The following SGCD variants were observed in gnomAD, a reference collection of about 807,000 sequenced individuals.
SGCD encodes the protein delta-sarcoglycan.
A neutral mutation model predicts 36.6 loss-of-function variants in SGCD; 18 were observed. That is an observed-to-expected ratio of 0.49 (90% CI 0.34 to 0.73). The LOEUF (loss-of-function observed/expected upper bound fraction) is 0.73, where lower values mean the gene tolerates loss of function less well. SGCD is among the 30% of genes least tolerant of loss of function. SGCD has a pLI of 0.01. For synonymous variants in SGCD, 133 were observed against 130.6 expected (o/e 1.02, Z -0.12); for missense variants, 387 against 346.7 (o/e 1.12, Z -0.92).
intron 4 of SGCD, among the ~76,000 whole-genome samples, chr5:156,562,542 G>A (rs907231875): frequency 4.6e-5 from 7 of 152,064 alleles, no homozygotes; most frequent in Non-Finnish European, 8.8e-5. Flanking sequence ...GGTCTCAAAC[G>A]CAATTGTGAA....
intron 3 of SGCD, among the ~76,000 whole-genome samples, chr5:156,181,667 A>G (rs1763610311): frequency 6.6e-6 from 1 of 152,178 alleles, no homozygotes. Flanking sequence ...TGATTAGATA[A>G]TTGTTCAGGA....
At chr5:156,367,508 A>AT (rs1770165790) in intron 3 of SGCD, among the ~76,000 whole-genome samples, 2 of 152,202 alleles carry the variant, frequency 1.3e-5, no homozygotes, top group Admixed American at 6.5e-5. Context: ...ATTCAGATTC[A>AT]TTTTTTTAAA....
chr5:156,283,232 G>C (rs1766502154), intron 3 of SGCD, among the ~76,000 whole-genome samples: 1 of 152,074 alleles, frequency 6.6e-6, no homozygotes, highest in African/African-American at 2.4e-5. Flanking sequence ...ATTGGTATTG[G>C]TCCATAGAAA....
chr5:155,883,729 T>G (rs1209206225), intron 1 of SGCD, among the ~76,000 whole-genome samples: 2 of 137,562 alleles, frequency 1.5e-5, no homozygotes, highest in Non-Finnish European at 1.5e-5. Flanking sequence ...AGTGTGTACA[T>G]ACTATTGGAA....
intron 1 of SGCD, among the ~76,000 whole-genome samples, chr5:156,111,475 A>G (rs1761784241): frequency 6.6e-6 from 1 of 152,210 alleles, no homozygotes. Flanking sequence ...TTCATCTATA[A>G]GGTAGACAAT....
intron 3 of SGCD, among the ~76,000 whole-genome samples, chr5:156,307,560 T>G (rs1039423578): frequency 5.2e-4 from 75 of 145,122 alleles, no homozygotes; most frequent in African/African-American, 1.8e-3. Flanking sequence ...CTGTTGTTTT[T>G]TTTTTTTTTT....
At chr5:155,731,663 T>G in the SGCD span, among the ~76,000 whole-genome samples, 1 of 152,240 alleles carries the variant, frequency 6.6e-6, no homozygotes, top group Admixed American at 6.5e-5. Flanking sequence ...GGTAAATACA[T>G]GTTGGAGAAT....
At chr5:156,295,248 A>G (rs892029246) in intron 3 of SGCD, among the ~76,000 whole-genome samples, 1 of 152,058 alleles carries the variant, frequency 6.6e-6, no homozygotes, top group Non-Finnish European at 1.5e-5. Flanking sequence ...TAGGTCATCT[A>G]ATTTGTTGGT....
chr5:156,460,666 T>C (rs748096076), intron 3 of SGCD, among the ~76,000 whole-genome samples: 5 of 152,152 alleles, frequency 3.3e-5, no homozygotes, highest in Non-Finnish European at 1.5e-5. Context: ...CCTCAGCTCA[T>C]TTATTTCATA....
At chr5:156,311,564 T>C (rs943201006) in intron 3 of SGCD, among the ~76,000 whole-genome samples, 16 of 152,112 alleles carry the variant, frequency 1.1e-4, no homozygotes, top group African/African-American at 3.6e-4. Context: ...CCTTAAGATA[T>C]GACCTACTTG....
chr5:155,944,181 T>TAACAA (rs1757392971), intron 1 of SGCD, among the ~76,000 whole-genome samples: 2 of 152,328 alleles, frequency 1.3e-5, no homozygotes, highest in East Asian at 3.9e-4. Flanking sequence ...GTGCACTAGC[T>TAACAA]CTGTGAGTTG....
chr5:155,894,449 C>T (rs1370449067), intron 1 of SGCD, among the ~76,000 whole-genome samples: 2 of 152,138 alleles, frequency 1.3e-5, no homozygotes, highest in Non-Finnish European at 2.9e-5. Context: ...TCTGTCTTGA[C>T]TCCTATTAAT....
chr5:156,682,017 C>T (rs944196095), intron 7 of SGCD, among the ~76,000 whole-genome samples: 10 of 152,304 alleles, frequency 6.6e-5, no homozygotes, highest in Admixed American at 4.6e-4. Flanking sequence ...AACATGTTCT[C>T]AGCCACTGGA....
At chr5:156,235,014 G>T (rs540790060) in intron 3 of SGCD, among the ~76,000 whole-genome samples, 2 of 152,238 alleles carry the variant, frequency 1.3e-5, no homozygotes, top group East Asian at 3.9e-4. Context: ...TGATAACACA[G>T]ATTATGGTTC....
chr5:156,138,442 GGTCTT>G, intron 3 of SGCD, among the ~76,000 whole-genome samples: 1 of 151,986 alleles, frequency 6.6e-6, no homozygotes, highest in African/African-American at 2.4e-5. Context: ...TCACATACAT[GGTCTT>G]ATGGGATATA....
At chr5:156,247,201 A>G (rs182329648) in intron 3 of SGCD, among the ~76,000 whole-genome samples, 45 of 152,266 alleles carry the variant, frequency 3.0e-4, no homozygotes, top group Non-Finnish European at 5.9e-4. Context: ...TGTTAAGTAG[A>G]TTTTATTCTG....
Position 156,008,707 on chromosome 5 carries a change from A to G in SGCD, c.-281-109171A>G, listed in dbSNP as rs531199809. Among the ~76,000 whole-genome samples the G allele has an allele frequency of 2.6e-5, 4 of 152,290 alleles. No homozygotes were observed. In the South Asian group the frequency reaches 8.3e-4, roughly 32 times the overall value. On this transcript the variant is annotated intron_variant, in intron 1 of 9. Transcript: ENST00000517913. ...GTCTTCTTATAAGGACACCAGTTGT[A>G]TTGGATTAAGGGCCCATCCTACTCC... is the stretch of plus-strand genomic sequence containing the variant.
At chr5:156,011,945 GC>G (rs1758869087) in intron 1 of SGCD, among the ~76,000 whole-genome samples, 1 of 152,100 alleles carries the variant, frequency 6.6e-6, no homozygotes, top group African/African-American at 2.4e-5. Context: ...CTACCCCCAA[GC>G]AAGTTCCATT....
At chr5:155,879,268 A>T (rs562022530) in intron 1 of SGCD, among the ~76,000 whole-genome samples, 158 of 152,282 alleles carry the variant, frequency 1.0e-3, no homozygotes, top group Non-Finnish European at 2.0e-3. Context: ...TTAATTACAT[A>T]TATAAAACAG....
Sources: gnomAD v4.1 joint callset for allele counts (sites outside exome capture counted in the v4.1 genomes callset) on GRCh38, gnomAD v4.1.1 for gene constraint, MANE v1.5 for transcripts, NCBI Gene and HGNC (gene_info 2026-07-23, HGNC 2026-07-21) for gene names.